Variants in CFAP77 observed in about 807,000 individuals in gnomAD.
The protein encoded by CFAP77 is cilia- and flagella-associated protein 77.
In CFAP77, 25 loss-of-function variants were observed where a neutral mutation model predicts 31.1. The observed-to-expected ratio is 0.80, with a 90% CI of 0.59 to 1.12. CFAP77 has a LOEUF of 1.12. Ranked by LOEUF, CFAP77 falls within the 50% of genes most tolerant of loss-of-function variation. The pLI, the probability that CFAP77 is intolerant of heterozygous loss-of-function variation, is 0.00. For synonymous variants in CFAP77, 151 were observed against 159.9 expected (o/e 0.94, Z 0.42); for missense variants, 377 against 397.3 (o/e 0.95, Z 0.44).
At chr9:132,453,519 C>T (rs1850866238) in intron 1 of CFAP77, among the ~76,000 whole-genome samples, 1 of 152,190 alleles carries the variant, frequency 6.6e-6, no homozygotes, top group African/African-American at 2.4e-5. Flanking sequence ...GAGCGAGACT[C>T]CGTCTCAAAA....
intron 1 of CFAP77, among the ~76,000 whole-genome samples, chr9:132,423,318 G>T (rs1340845150): frequency 6.6e-6 from 1 of 152,248 alleles, no homozygotes; most frequent in African/African-American, 2.4e-5. Context: ...CGGAGTGGGA[G>T]GATGAGGAAG....
chr9:132,420,176 G>A (rs1239108873), intron 1 of CFAP77, among the ~76,000 whole-genome samples: 1 of 148,544 alleles, frequency 6.7e-6, no homozygotes, highest in South Asian at 2.1e-4. Flanking sequence ...AAAAAAAAAG[G>A]TGGAAGGAGA....
At chr9:132,521,605 C>T (rs1160748986) in intron 3 of CFAP77, among the ~76,000 whole-genome samples, 4 of 151,836 alleles carry the variant, frequency 2.6e-5, no homozygotes, top group East Asian at 1.9e-4. Flanking sequence ...GAGAGGTGTC[C>T]GCCAGGCGAA....
chr9:132,425,003 G>A (rs1850289293), intron 1 of CFAP77, among the ~76,000 whole-genome samples: 1 of 152,152 alleles, frequency 6.6e-6, no homozygotes, highest in Non-Finnish European at 1.5e-5. Context: ...ACTGGGACTG[G>A]GGCCCACACA....
At chr9:132,509,628 G>A (rs1480280288) in intron 3 of CFAP77, among the ~76,000 whole-genome samples, 2 of 152,316 alleles carry the variant, frequency 1.3e-5, no homozygotes, top group East Asian at 3.9e-4. Context: ...AATTAGCCAG[G>A]TGTGGTGGTG....
chr9:132,546,072 G>A (rs1852723657), intron 5 of CFAP77, among the ~76,000 whole-genome samples: 1 of 152,234 alleles, frequency 6.6e-6, no homozygotes, highest in Non-Finnish European at 1.5e-5. Context: ...GCCTGGCACA[G>A]AGTAGGGGAT....
In CFAP77 at chr9:132,552,422, G is replaced by A. The variant is rs932766368; in HGVS notation, c.732+9375G>A. ...AAATGCAGAGTCGAAGGCCCAGTGC[G>A]GTGGCTCATGCCTGTAATCTCCCAG... On this transcript the variant is annotated intron_variant, in intron 5 of 5. Transcript: ENST00000393216. The surrounding 1 kb of genome is among the most constrained non-coding windows in gnomAD (Gnocchi z 5.5). Among the ~76,000 whole-genome samples the A allele has an allele frequency of 2.6e-5, 4 of 152,178 alleles. No homozygotes were observed. The highest frequency in any genetic ancestry group is 7.2e-5 in the African/African-American group (3 of 41,450).
At chr9:132,450,177 G>C (rs546145938) in intron 1 of CFAP77, among the ~76,000 whole-genome samples, 1 of 151,794 alleles carries the variant, frequency 6.6e-6, no homozygotes, top group South Asian at 2.1e-4. Flanking sequence ...TGATCTGCCC[G>C]CCTCGCCCTC....
chr9:132,467,322 C>A (rs1050554888), intron 1 of CFAP77, among the ~76,000 whole-genome samples: 12 of 152,178 alleles, frequency 7.9e-5, no homozygotes, highest in African/African-American at 2.7e-4. Flanking sequence ...AACTGAAACC[C>A]TGTCCCCATT....
At chr9:132,515,164 A>G (rs4962186) in intron 3 of CFAP77, among the ~76,000 whole-genome samples, 91,024 of 152,138 alleles carry the variant, frequency 0.6, 28,349 homozygotes, top group East Asian at 0.78. Flanking sequence ...CAGGCCCAGA[A>G]AGCCAGAATG....
chr9:132,445,131 G>C (rs1850687563), intron 1 of CFAP77, among the ~76,000 whole-genome samples: 1 of 152,128 alleles, frequency 6.6e-6, no homozygotes, highest in Non-Finnish European at 1.5e-5. Flanking sequence ...GCACCACCAT[G>C]CCTGGCTAAT....
intron 1 of CFAP77, among the ~76,000 whole-genome samples, chr9:132,478,247 G>A (rs1441187566): frequency 6.6e-6 from 1 of 152,076 alleles, no homozygotes; most frequent in Non-Finnish European, 1.5e-5. Context: ...GAGTACAGTG[G>A]CTTTTCTGAG....
In CFAP77 at chr9:132,490,183, T is replaced by A. The variant is rs1589882973; in HGVS notation, c.196-8512T>A. 1.3e-5 allele frequency among the ~76,000 whole-genome samples: 2 copies of A among 152,244 alleles called. No homozygotes were observed. Among genetic ancestry groups the A allele is most frequent in the East Asian group, 3.9e-4 (2 of 5,178 alleles). On this transcript the variant is annotated intron_variant, in intron 1 of 5. Transcript: ENST00000393216. The surrounding 1 kb of genome is among the most constrained non-coding windows in gnomAD (Gnocchi z 4.6). ...CATCAAGGCCTTTTATAAGGGCACC[T>A]ATTCCCCCATGAGTGCAGAGCCCTC...
At chr9:132,478,181 C>T (rs1025321815) in intron 1 of CFAP77, among the ~76,000 whole-genome samples, 1 of 152,052 alleles carries the variant, frequency 6.6e-6, no homozygotes, top group African/African-American at 2.4e-5. Context: ...CCCCATGCGC[C>T]TCTTCCCTTT....
chr9:132,542,972 C>G lies in CFAP77; in HGVS notation c.657C>G (p.Thr219=). 1 of 1,614,140 alleles carries G rather than the reference C, an allele frequency of 6.2e-7. No homozygotes were observed. Among genetic ancestry groups the G allele is most frequent in the Non-Finnish European group, 8.5e-7 (1 of 1,180,002 alleles). ...QKVVLGKLYE[T]RSSQLRKYKP... ...TGGTCCTTGGGAAGCTGTATGAGAC[C>G]CGGAGCAGTCAGCTGAGGAAGTACA... Residue 219 remains threonine (T), a synonymous_variant, in exon 5 of 6, where the codon ACC becomes ACG. Transcript: ENST00000393216.
chr9:132,568,491 G>T (rs1245892105), intron 5 of CFAP77, among the ~76,000 whole-genome samples: 2 of 149,408 alleles, frequency 1.3e-5, no homozygotes, highest in Admixed American at 6.7e-5. Flanking sequence ...GGGAGGTGGA[G>T]GTTGCAGTGA....
Position 132,487,572 on chromosome 9 carries a change from T to C in CFAP77, c.196-11123T>C, listed in dbSNP as rs1423031283. On this transcript the variant is annotated intron_variant, in intron 1 of 5. Coordinates refer to ENST00000393216, the MANE Select transcript of CFAP77 (RefSeq NM_001282957.2). ...TATGGGGCTGGGTTTCCTTCCAGTATCTTTTTCAATGCATTTTTTTTTTAA... is the reference window on the plus strand; with the variant it reads ...TATGGGGCTGGGTTTCCTTCCAGTACCTTTTTCAATGCATTTTTTTTTTAA... Among the ~76,000 whole-genome samples the C allele has an allele frequency of 3.4e-5, 5 of 146,944 alleles. No individual in the cohort carries two copies. In the East Asian group the frequency reaches 9.7e-4, roughly 29 times the overall value.
chr9:132,510,365 C>G (rs902889619), intron 3 of CFAP77, among the ~76,000 whole-genome samples: 4 of 152,232 alleles, frequency 2.6e-5, no homozygotes, highest in Non-Finnish European at 5.9e-5. Context: ...CGGCTTGGTG[C>G]CTGGCCCGGC....
chr9:132,423,593 C>T (rs1191232373), intron 1 of CFAP77, among the ~76,000 whole-genome samples: 1 of 152,236 alleles, frequency 6.6e-6, no homozygotes, highest in African/African-American at 2.4e-5. Flanking sequence ...AGGAGCCAGG[C>T]TTCCAACCAG....
Sources: allele counts gnomAD v4.1 joint callset (sites outside exome capture counted in the v4.1 genomes callset), GRCh38; gene constraint gnomAD v4.1.1; non-coding constraint Gnocchi (gnomAD v3.1); transcripts MANE v1.5; gene names NCBI Gene and HGNC (gene_info 2026-07-23, HGNC 2026-07-21).